The following SAMD12 variants were observed in gnomAD, a reference collection of about 807,000 sequenced individuals.
The protein encoded by SAMD12 is sterile alpha motif domain-containing protein 12.
Under a neutral mutation model 15.0 loss-of-function variants are expected in SAMD12, and 9 were observed. That is an observed-to-expected ratio of 0.60 (90% CI 0.36 to 1.05). The LOEUF (loss-of-function observed/expected upper bound fraction) is 1.05. Among genes scored for constraint, SAMD12 ranks in the 50% least tolerant of loss-of-function variants. The probability of loss-of-function intolerance (pLI) is 0.01; values close to 1 mark genes in which losing one functional copy is unlikely to be tolerated. For missense variants in SAMD12, 230 were observed against 234.2 expected (o/e 0.98, Z 0.12); for synonymous variants, 86 against 90.1 (o/e 0.96, Z 0.25).
intron 4 of SAMD12, among the ~76,000 whole-genome samples, chr8:118,222,599 G>C (rs1812106579): frequency 1.3e-5 from 2 of 152,076 alleles, no homozygotes; most frequent in Admixed American, 1.3e-4. Context: ...TCCACCTCTG[G>C]GGTTCAAGCG....
At chr8:118,558,124 T>A (rs559259528) in intron 2 of SAMD12, among the ~76,000 whole-genome samples, 187 of 152,330 alleles carry the variant, frequency 1.2e-3, no homozygotes, top group Admixed American at 2.5e-3. Context: ...AAAGTATATC[T>A]ACGCAAGTGG....
At chr8:118,242,527 T>G (rs1309403037) in intron 4 of SAMD12, among the ~76,000 whole-genome samples, 1 of 152,146 alleles carries the variant, frequency 6.6e-6, no homozygotes, top group Non-Finnish European at 1.5e-5. Flanking sequence ...TATTAGTTGT[T>G]GTTAATCTTT....
exon 5 of SAMD12, chr8:118,189,687 A>C (rs1025037180): frequency 3.3e-5 from 5 of 152,184 alleles, no homozygotes; most frequent in Non-Finnish European, 5.9e-5. Flanking sequence ...TGGAAACAGA[A>C]GGAAACATAA....
At chr8:118,525,137 G>T (rs899287527) in intron 2 of SAMD12, among the ~76,000 whole-genome samples, 2 of 152,118 alleles carry the variant, frequency 1.3e-5, no homozygotes, top group Non-Finnish European at 2.9e-5. Flanking sequence ...AAGCCACACA[G>T]GCTCCTCGCT....
intron 3 of SAMD12, among the ~76,000 whole-genome samples, chr8:118,392,644 CTATT>C (rs1270289864): frequency 6.6e-6 from 1 of 152,156 alleles, no homozygotes; most frequent in Non-Finnish European, 1.5e-5. Flanking sequence ...AATGGCAACT[CTATT>C]TATCACATGT....
chr8:118,428,296 T>C (rs1254889062), intron 3 of SAMD12, among the ~76,000 whole-genome samples: 1 of 152,176 alleles, frequency 6.6e-6, no homozygotes, highest in Non-Finnish European at 1.5e-5. Flanking sequence ...CCAAGTGTGA[T>C]TGTGTGCATC....
chr8:118,301,539 CT>C (rs1193036737), intron 4 of SAMD12, among the ~76,000 whole-genome samples: 1 of 152,198 alleles, frequency 6.6e-6, no homozygotes, highest in African/African-American at 2.4e-5. Flanking sequence ...AGCTGGAGGA[CT>C]AGATTCATTA....
At chr8:118,138,633 A>G in the SAMD12 span, among the ~76,000 whole-genome samples, 1 of 152,238 alleles carries the variant, frequency 6.6e-6, no homozygotes, top group South Asian at 2.1e-4. Flanking sequence ...AATCTATGGT[A>G]TTTTGTATAG....
chr8:118,254,184 C>T (rs1047700492), intron 4 of SAMD12, among the ~76,000 whole-genome samples: 9 of 152,272 alleles, frequency 5.9e-5, no homozygotes, highest in African/African-American at 2.2e-4. Context: ...CCATTAACCA[C>T]TTATTTCAGA....
chr8:118,373,571 T>G (rs1819218927), downstream of SAMD12, among the ~76,000 whole-genome samples: 1 of 152,152 alleles, frequency 6.6e-6, no homozygotes, highest in Non-Finnish European at 1.5e-5. Context: ...GTTATGCAAT[T>G]CCCAAGTAAA....
intron 2 of SAMD12, among the ~76,000 whole-genome samples, chr8:118,478,268 A>G (rs73315371): frequency 0.022 from 3,381 of 152,248 alleles, 117 homozygotes; most frequent in African/African-American, 0.077. Context: ...CTTCCATCAG[A>G]GTGTTCCCAT....
At chr8:118,544,912 GAGA>G (rs1474026365) in intron 2 of SAMD12, among the ~76,000 whole-genome samples, 4 of 152,292 alleles carry the variant, frequency 2.6e-5, no homozygotes, top group Non-Finnish European at 4.4e-5. Flanking sequence ...ATATAACGAA[GAGA>G]AGAAGAAATT....
chr8:118,567,962 T>C (rs1826895920), intron 2 of SAMD12, among the ~76,000 whole-genome samples: 1 of 152,210 alleles, frequency 6.6e-6, no homozygotes, highest in African/African-American at 2.4e-5. Context: ...ATGTATTAGA[T>C]ATGGCTGTTA....
At chr8:118,254,279 G>A (rs1246557055) in intron 4 of SAMD12, among the ~76,000 whole-genome samples, 1 of 152,046 alleles carries the variant, frequency 6.6e-6, no homozygotes, top group African/African-American at 2.4e-5. Flanking sequence ...TCCACCCTGG[G>A]GTCTTTCAGC....
At chr8:118,452,103 G>C (rs558226410) in intron 2 of SAMD12, among the ~76,000 whole-genome samples, 1 of 152,244 alleles carries the variant, frequency 6.6e-6, no homozygotes, top group African/African-American at 2.4e-5. Context: ...CACAGAGGGA[G>C]GGTGGCCTCT....
At chr8:118,265,785 T>C (rs1335603213) in intron 4 of SAMD12, among the ~76,000 whole-genome samples, 1 of 151,878 alleles carries the variant, frequency 6.6e-6, no homozygotes, top group African/African-American at 2.4e-5. Context: ...GTAAAATTTG[T>C]ATATAGGAAT....
At chr8:118,580,970 G>A in intron 1 of SAMD12, 77 bp from the exon 2 acceptor site, 1 of 1,153,692 alleles carries the variant, frequency 8.7e-7, no homozygotes, top group Non-Finnish European at 1.2e-6. Context: ...TATTCATCAA[G>A]CCTAAGTAGG....
Position 118,297,908 on chromosome 8 carries a change from A to C in SAMD12, c.433+81652T>G, listed in dbSNP as rs573208458. 5.9e-5 allele frequency among the ~76,000 whole-genome samples: 9 copies of C among 152,344 alleles called. No individual in the cohort carries two copies. The South Asian group carries it at 1.9e-3, about 32-fold the overall frequency. On this transcript the variant is annotated intron_variant, in intron 4 of 4. Coordinates refer to the SAMD12 transcript ENST00000409003. ...AGTCAAATGCAGTGCTAATAATAGA[A>C]AACAGCATTATGCATTGTAGAAGCA...
At chr8:118,521,267 T>A (rs759179057) in intron 2 of SAMD12, among the ~76,000 whole-genome samples, 1 of 152,184 alleles carries the variant, frequency 6.6e-6, no homozygotes, top group Non-Finnish European at 1.5e-5. Flanking sequence ...TTTCCCTTGA[T>A]CCTCCCTTTA....
Sources: allele counts gnomAD v4.1 joint callset (sites outside exome capture counted in the v4.1 genomes callset), GRCh38; gene constraint gnomAD v4.1.1; transcripts MANE v1.5; gene names NCBI Gene and HGNC (gene_info 2026-07-23, HGNC 2026-07-21).